Variants in RUNX3 observed in about 807,000 individuals in gnomAD.
RUNX3 encodes the protein runt-related transcription factor 3.
A neutral mutation model predicts 27.7 loss-of-function variants in RUNX3; 10 were observed. The observed-to-expected ratio is 0.36, with a 90% CI of 0.22 to 0.61. The LOEUF is 0.61. Among genes scored for constraint, RUNX3 ranks in the 20% least tolerant of loss-of-function variants. The pLI, the probability that RUNX3 is intolerant of heterozygous loss-of-function variation, is 0.72. For missense variants in RUNX3, 469 were observed against 629.5 expected, an observed-to-expected ratio of 0.75 and a Z score of 2.73; for synonymous variants, 270 against 269.2, an observed-to-expected ratio of 1.00 and a Z score of -0.03.
chr1:24,957,098 T>C (rs1390730358), intron 2 of RUNX3, among the ~76,000 whole-genome samples: 2 of 152,232 alleles, frequency 1.3e-5, no homozygotes, highest in African/African-American at 4.8e-5. Context: ...ATAAGTTATA[T>C]GCGTCTGCCC....
intron 4 of RUNX3, among the ~76,000 whole-genome samples, chr1:24,905,376 T>C (rs1220168155): frequency 6.6e-6 from 1 of 152,174 alleles, no homozygotes; most frequent in Non-Finnish European, 1.5e-5. Context: ...GACTGCAGAG[T>C]TCATGCTCGC....
rs1233810649 is a variant in RUNX3, at chr1:24,962,550, G to A, written c.58+1964C>T. Among the ~76,000 whole-genome samples, 1 of 152,208 alleles carries A rather than the reference G, an allele frequency of 6.6e-6. No homozygotes were observed. The highest frequency in any genetic ancestry group is 2.1e-4 in the South Asian group (1 of 4,832). ...CAGGCCCCCATGGCGAGCACGTCGT[G>A]AGCAGAAATGAACAGGAGAGAGAAG... On this transcript the variant is annotated intron_variant, in intron 2 of 6. Transcript: ENST00000338888. The surrounding 1 kb of genome is among the most constrained non-coding windows in gnomAD (Gnocchi z 4.5).
intron 3 of RUNX3, among the ~76,000 whole-genome samples, chr1:24,912,201 C>A (rs539507461): frequency 1.3e-5 from 2 of 152,240 alleles, no homozygotes; most frequent in Admixed American, 6.5e-5. Context: ...AGTCCTGCTA[C>A]GCCTCAGTTT....
intron 2 of RUNX3, among the ~76,000 whole-genome samples, chr1:24,948,711 A>T (rs569553616): frequency 1.9e-4 from 26 of 140,192 alleles, no homozygotes; most frequent in Non-Finnish European, 3.8e-4. Context: ...AAGGGTTTGT[A>T]CATGGCAGGG....
At chr1:24,950,989 C>T (rs1400019939) in intron 2 of RUNX3, among the ~76,000 whole-genome samples, 2 of 151,986 alleles carry the variant, frequency 1.3e-5, no homozygotes, top group African/African-American at 4.8e-5. Flanking sequence ...GGGTGGATCA[C>T]GAGGTCAGGA....
chr1:24,913,550 T>A (rs1264427585), intron 3 of RUNX3, among the ~76,000 whole-genome samples: 1 of 152,260 alleles, frequency 6.6e-6, no homozygotes, highest in East Asian at 1.9e-4. Flanking sequence ...GACTTGGCCA[T>A]CTGCTCCTAG....
In RUNX3 at chr1:24,962,546, T is replaced by C. The variant is rs1193454802; in HGVS notation, c.58+1968A>G. On this transcript the variant is annotated intron_variant, in intron 2 of 6. Transcript: ENST00000338888. The surrounding 1 kb of genome is among the most constrained non-coding windows in gnomAD (Gnocchi z 4.5). Reference sequence around the variant, plus strand: ...GAGACAGGCCCCCATGGCGAGCACGTCGTGAGCAGAAATGAACAGGAGAGA... The same window carrying C: ...GAGACAGGCCCCCATGGCGAGCACGCCGTGAGCAGAAATGAACAGGAGAGA... Among the ~76,000 whole-genome samples, 3 of 152,066 alleles carry C rather than the reference T, an allele frequency of 2.0e-5. No homozygotes were observed. The highest frequency in any genetic ancestry group is 6.5e-5 in the Admixed American group (1 of 15,282).
At chr1:24,906,162 A>C (rs946765006) in intron 4 of RUNX3, among the ~76,000 whole-genome samples, 2 of 152,304 alleles carry the variant, frequency 1.3e-5, no homozygotes, top group East Asian at 3.9e-4. Flanking sequence ...GGCACCGGAA[A>C]AGGGGGTGGG....
intron 2 of RUNX3, among the ~76,000 whole-genome samples, chr1:24,944,965 G>A (rs182062176): frequency 7.9e-5 from 12 of 152,266 alleles, no homozygotes; most frequent in Admixed American, 4.6e-4. Context: ...CATAGGAAAC[G>A]AATATGTCTC....
rs1640534903 is a variant in RUNX3 at position 24,901,034 on chromosome 1, TTG to T, written c.*1086_*1087del. 7.0e-6 allele frequency: 1 copy of T among 142,646 alleles called. No homozygotes were observed. The highest frequency in any genetic ancestry group is 3.0e-5 in the African/African-American group (1 of 33,576). The allele number at this position is 142,646 out of a possible 1,614,324, so 8.8% of individuals were successfully genotyped here. ...ACTGTTTTGTTTTTTTTTTGTTTTT[TTG>T]TTTTTTTTTTTTTTTTGCTCAGGAC... is the stretch of plus-strand genomic sequence containing the variant. On this transcript the variant is annotated 3_prime_UTR_variant, in exon 5 of 5. Transcript: ENST00000308873.
At chr1:24,953,077 GA>G (rs1471246125) in intron 2 of RUNX3, among the ~76,000 whole-genome samples, 1 of 151,674 alleles carries the variant, frequency 6.6e-6, no homozygotes, top group Non-Finnish European at 1.5e-5. Flanking sequence ...GTTGAAAAAT[GA>G]AAAAAAGGCA....
At chr1:24,926,651 G>C (rs1217379347) in intron 2 of RUNX3, among the ~76,000 whole-genome samples, 1 of 152,198 alleles carries the variant, frequency 6.6e-6, no homozygotes, top group Non-Finnish European at 1.5e-5. Flanking sequence ...CCTGTTTATT[G>C]GTGATGAAAA....
intron 3 of RUNX3, among the ~76,000 whole-genome samples, chr1:24,914,912 GC>G (rs1640859971): frequency 6.6e-6 from 1 of 152,070 alleles, no homozygotes; most frequent in Admixed American, 6.6e-5. Flanking sequence ...AGGCCTCCCC[GC>G]CCCATCCCTT....
chr1:24,918,565 T>TTTCATTCA (rs554214429), intron 3 of RUNX3, among the ~76,000 whole-genome samples: 6 of 151,880 alleles, frequency 4.0e-5, no homozygotes, highest in African/African-American at 9.7e-5. Context: ...GCTGGCTCTA[T>TTTCATTCA]TTCATTCATT....
intron 2 of RUNX3, among the ~76,000 whole-genome samples, chr1:24,958,535 C>G (rs1314490003): frequency 6.6e-6 from 1 of 152,192 alleles, no homozygotes; most frequent in Non-Finnish European, 1.5e-5. Context: ...CAAAGCAAGA[C>G]CAGAGTCCCA....
In RUNX3 at chr1:24,962,435, C is replaced by T. The variant is rs991238479; in HGVS notation, c.58+2079G>A. On this transcript the variant is annotated intron_variant, in intron 2 of 6. Coordinates refer to the RUNX3 transcript ENST00000338888. The surrounding 1 kb of genome is among the most constrained non-coding windows in gnomAD (Gnocchi z 4.5). Reference sequence around the variant, plus strand: ...TGTAGGGGGCAGCGTGGGGTTGGCACCCTGCAAATGGGACCCTGGGGCTGC... The same window carrying T: ...TGTAGGGGGCAGCGTGGGGTTGGCATCCTGCAAATGGGACCCTGGGGCTGC... 6.6e-6 allele frequency among the ~76,000 whole-genome samples: 1 copy of T among 152,218 alleles called. No homozygotes were observed. The highest frequency in any genetic ancestry group is 2.4e-5 in the African/African-American group (1 of 41,460).
upstream of RUNX3, among the ~76,000 whole-genome samples, chr1:24,930,918 G>C (rs1641213848): frequency 6.6e-6 from 1 of 152,198 alleles, no homozygotes; most frequent in Non-Finnish European, 1.5e-5. The surrounding 1 kb of genome is among the most constrained non-coding windows in gnomAD (Gnocchi z 4.1). Context: ...AGGCGGAAGG[G>C]AGTCTCCTAG....
Position 24,940,783 on chromosome 1 carries a change from G to A in RUNX3, c.59-10931C>T, listed in dbSNP as rs1049886858. 8.6e-5 allele frequency among the ~76,000 whole-genome samples: 13 copies of A among 151,836 alleles called. 1 individual carries two copies. Among genetic ancestry groups the A allele is most frequent in the African/African-American group, 3.1e-4 (13 of 41,430 alleles). The stretch of plus-strand genomic sequence containing the variant: ...GTGGTCCCCACCACTTGCCACCTGT[G>A]ATGAGTAGGGAGAGGGATGCAGTCA... On this transcript the variant is annotated intron_variant, in intron 2 of 6. Coordinates refer to the RUNX3 transcript ENST00000338888.
intron 1 of RUNX3, chr1:24,964,773 C>T (rs1461421184): frequency 2.3e-5 from 31 of 1,343,298 alleles, no homozygotes; most frequent in South Asian, 4.6e-5. Flanking sequence ...GGAAAGAACG[C>T]GAGAGTGTGT....
Sources: gnomAD v4.1 joint callset for allele counts (sites outside exome capture counted in the v4.1 genomes callset) on GRCh38, gnomAD v4.1.1 for gene constraint, Gnocchi (gnomAD v3.1) non-coding constraint, MANE v1.5 for transcripts, NCBI Gene and HGNC (gene_info 2026-07-23, HGNC 2026-07-21) for gene names.